The following CRISPLD2 variants were observed in gnomAD, a reference collection of about 807,000 sequenced individuals.
CRISPLD2 encodes cysteine rich secretory protein LCCL domain containing 2, also known as cysteine-rich secretory protein LCCL domain-containing 2.
CRISPLD2 carries 47 observed loss-of-function variants against 71.1 expected under a neutral mutation model. The ratio of observed to expected loss-of-function variants is 0.66; its 90% CI spans 0.52 to 0.84. CRISPLD2 has a LOEUF of 0.84. CRISPLD2 is among the 40% of genes least tolerant of loss of function. The pLI is 0.00. For missense variants in CRISPLD2, 830 were observed against 651.1 expected (o/e 1.27, Z -2.99); for synonymous variants, 317 against 250.1 (o/e 1.27, Z -2.52).
chr16:84,868,473 T>G (rs1219720733), intron 7 of CRISPLD2, among the ~76,000 whole-genome samples: 2 of 151,850 alleles, frequency 1.3e-5, no homozygotes, highest in African/African-American at 4.8e-5. Flanking sequence ...CTCTCAGGAG[T>G]CCTGCCCTGC....
chr16:84,867,005 C>T lies in CRISPLD2; in HGVS notation c.818C>T (p.Thr273Ile), dbSNP rs778748348. 6.2e-7 allele frequency: 1 copy of T among 1,614,062 alleles called. No homozygotes were observed. The highest frequency in any genetic ancestry group is 8.5e-7 in the Non-Finnish European group (1 of 1,180,012). Residue 273 changes from threonine to isoleucine, a missense_variant, in exon 7 of 15, where the codon ACC (threonine) becomes ATC (isoleucine). By Grantham distance (89) the Thr-to-Ile change is moderately conservative (BLOSUM62 -1). Coordinates refer to ENST00000262424, the MANE Select transcript of CRISPLD2 (RefSeq NM_031476.4). ...VWLQPRVMRPTKPKKTSAVNY... is the reference protein window; with the variant it reads ...VWLQPRVMRPIKPKKTSAVNY... ...CTCCAACCGAGGGTGATGAGACCCACCAAGCCCAAGAAAACCTCTGCGGTC... is the reference window on the plus strand; with the variant it reads ...CTCCAACCGAGGGTGATGAGACCCATCAAGCCCAAGAAAACCTCTGCGGTC...
intron 13 of CRISPLD2, among the ~76,000 whole-genome samples, chr16:84,888,433 G>C (rs763148678): frequency 5.3e-5 from 8 of 152,236 alleles, no homozygotes; most frequent in African/African-American, 7.2e-5. Flanking sequence ...CTACTTGGGA[G>C]GCTGAGGTGG....
intron 14 of CRISPLD2, among the ~76,000 whole-genome samples, chr16:84,897,477 C>T (rs12924606): frequency 0.17 from 26,507 of 152,008 alleles, 2,452 homozygotes; most frequent in South Asian, 0.24. Flanking sequence ...GAAACCTCAA[C>T]AATATAGTGA....
chr16:84,880,693 A>AAATTAATTAATT (rs35870995), intron 13 of CRISPLD2, 109 bp downstream of exon 13: 7 of 593,668 alleles, frequency 1.2e-5, no homozygotes, highest in African/African-American at 5.6e-5. Flanking sequence ...CCTCTTAGCT[A>AAATTAATTAATT]AATTAATTAA....
intron 14 of CRISPLD2, among the ~76,000 whole-genome samples, chr16:84,903,758 G>A (rs2071776472): frequency 6.6e-6 from 1 of 152,188 alleles, no homozygotes; most frequent in African/African-American, 2.4e-5. Context: ...CCCAAAAGCA[G>A]TGTTCAAAAA....
chr16:84,891,049 G>T (rs1290199524), intron 14 of CRISPLD2, among the ~76,000 whole-genome samples: 1 of 152,182 alleles, frequency 6.6e-6, no homozygotes, highest in African/African-American at 2.4e-5. Flanking sequence ...TCACAGGTGT[G>T]AGCCACCGCA....
chr16:84,855,233 G>A lies in CRISPLD2; in HGVS notation c.709+404G>A, dbSNP rs9936037. ...GGAGGCTGAGGCAGGAGGACCATAT[G>A]AGGCCATGTATTAGGGTTCTCTAGA... On this transcript the variant is annotated intron_variant, in intron 6 of 14. Coordinates refer to ENST00000262424, the MANE Select transcript of CRISPLD2 (RefSeq NM_031476.4). Among the ~76,000 whole-genome samples the A allele has an allele frequency of 6.5e-3, 991 of 152,290 alleles. 13 individuals are homozygous for A. The highest frequency in any genetic ancestry group is 0.022 in the African/African-American group (934 of 41,564).
chr16:84,866,050 A>G (rs1156562140), intron 6 of CRISPLD2, among the ~76,000 whole-genome samples: 1 of 152,106 alleles, frequency 6.6e-6, no homozygotes, highest in Non-Finnish European at 1.5e-5. Flanking sequence ...GACTGGCAGG[A>G]GGAGAGAAGG....
At chr16:84,825,765 A>G (rs1916336401) in intron 1 of CRISPLD2, among the ~76,000 whole-genome samples, 1 of 151,924 alleles carries the variant, frequency 6.6e-6, no homozygotes, top group Non-Finnish European at 1.5e-5. Flanking sequence ...AAATAAATAA[A>G]TAAATAAATA....
intron 2 of CRISPLD2, among the ~76,000 whole-genome samples, chr16:84,841,028 A>G (rs1041990587): frequency 6.6e-6 from 1 of 152,210 alleles, no homozygotes; most frequent in Non-Finnish European, 1.5e-5. Context: ...GCACCTCCGG[A>G]CTAGTGTAGC....
chr16:84,838,610 CA>C lies in CRISPLD2; in HGVS notation c.116del (p.Gln39ArgfsTer42), dbSNP rs774511408. The C allele has an allele frequency of 6.2e-7, 1 of 1,614,242 alleles. No individual in the cohort carries two copies. Among genetic ancestry groups the C allele is most frequent in the South Asian group, 1.1e-5 (1 of 91,084 alleles). ...TLLEELLSKY[Q>X]HNESHSRVRR... ...CTTAGAGGAGCTGCTCAGCAAATAC[CA>C]GCACAACGAGTCTCACTCCCGGGTC... On this transcript the variant is annotated frameshift_variant, in exon 2 of 15. Transcript: ENST00000262424. LOFTEE classifies it high-confidence loss of function.
intron 10 of CRISPLD2, chr16:84,873,628 C>A: frequency 6.8e-6 from 2 of 296,090 alleles, no homozygotes; most frequent in South Asian, 1.6e-4. Flanking sequence ...CTTAAAATTT[C>A]TTTATTTTGC....
intron 9 of CRISPLD2, 116 bp from the exon 10 acceptor site, chr16:84,872,875 CT>C: frequency 7.6e-7 from 1 of 1,318,714 alleles, no homozygotes; most frequent in East Asian, 2.4e-5. Flanking sequence ...GCAGAGTGAG[CT>C]TTGGCCTGTC....
At chr16:84,826,689 A>G (rs1916360437) in intron 1 of CRISPLD2, among the ~76,000 whole-genome samples, 1 of 152,250 alleles carries the variant, frequency 6.6e-6, no homozygotes, top group Non-Finnish European at 1.5e-5. Context: ...GGGCCTTGGC[A>G]TCGCAGGACA....
chr16:84,826,761 AGGGG>A (rs1916361911), intron 1 of CRISPLD2, among the ~76,000 whole-genome samples: 1 of 152,150 alleles, frequency 6.6e-6, no homozygotes, highest in Admixed American at 6.5e-5. Flanking sequence ...TGCGGGTCCA[AGGGG>A]GAGGCCCCAC....
intron 13 of CRISPLD2, chr16:84,880,841 G>C (rs1461497126): frequency 6.6e-6 from 2 of 302,162 alleles, no homozygotes; most frequent in Non-Finnish European, 1.3e-5. Flanking sequence ...AAGTAGCTGG[G>C]GTTACACAGT....
chr16:84,822,114 C>T (rs1241633925), intron 1 of CRISPLD2, among the ~76,000 whole-genome samples: 1 of 152,156 alleles, frequency 6.6e-6, no homozygotes, highest in Non-Finnish European at 1.5e-5. Flanking sequence ...TCCCTGGTCC[C>T]TGTTGGGGTG....
chr16:84,865,314 C>T (rs984353738), intron 6 of CRISPLD2, among the ~76,000 whole-genome samples: 7 of 152,132 alleles, frequency 4.6e-5, no homozygotes, highest in Non-Finnish European at 7.3e-5. Flanking sequence ...CGCCATCATG[C>T]CCAGCTAATT....
At chr16:84,867,948 C>T (rs1917587674) in intron 7 of CRISPLD2, among the ~76,000 whole-genome samples, 1 of 152,228 alleles carries the variant, frequency 6.6e-6, no homozygotes, top group African/African-American at 2.4e-5. Context: ...TCATTTGCAG[C>T]CGCCGTTTCT....
Sources: gnomAD v4.1 joint callset for allele counts (sites outside exome capture counted in the v4.1 genomes callset) on GRCh38, gnomAD v4.1.1 for gene constraint, MANE v1.5 for transcripts, NCBI Gene and HGNC (gene_info 2026-07-23, HGNC 2026-07-21) for gene names.